NCK2: variants seen among roughly 807,000 people sequenced by gnomAD.
The protein encoded by NCK2 is cytoplasmic protein NCK2.
Under a neutral mutation model 33.9 loss-of-function variants are expected in NCK2, and 16 were observed. The ratio of observed to expected loss-of-function variants is 0.47; its 90% CI spans 0.32 to 0.72. The LOEUF is 0.72. Ranked by LOEUF, NCK2 falls within the 30% of genes least tolerant of loss-of-function variation. The pLI is 0.03. For synonymous variants in NCK2, 273 were observed against 239.9 expected (o/e 1.14, Z -1.27); for missense variants, 418 against 537.3 (o/e 0.78, Z 2.19).
intron 2 of NCK2, among the ~76,000 whole-genome samples, chr2:105,841,899 A>T (rs1558865028): frequency 6.6e-6 from 1 of 152,274 alleles, no homozygotes; most frequent in South Asian, 2.1e-4. Context: ...CCCTTCAGAG[A>T]GGGGAAGGGA....
chr2:105,881,687 G>C lies in NCK2; in HGVS notation c.586G>C (p.Val196Leu). 1 of 1,613,960 alleles carries C rather than the reference G, an allele frequency of 6.2e-7. No individual in the cohort carries two copies. Among genetic ancestry groups the C allele is most frequent in the Non-Finnish European group, 8.5e-7 (1 of 1,179,896 alleles). The change falls in exon 4 of 5, where the codon GTG (valine) becomes CTG (leucine). Residue 196 changes from valine to leucine, a missense_variant. Val to Leu is a conservative substitution (Grantham distance 32). Coordinates refer to ENST00000233154, the MANE Select transcript of NCK2 (RefSeq NM_003581.5). The part of the protein sequence containing the change: ...ASLSNGQGSR[V>L]LHVVQTLYPF... Reference sequence around the variant, plus strand: ...GCTGAGCAATGGCCAGGGCTCCCGCGTGCTGCATGTGGTCCAGACGCTGTA... The same window carrying C: ...GCTGAGCAATGGCCAGGGCTCCCGCCTGCTGCATGTGGTCCAGACGCTGTA...
Position 105,893,931 on chromosome 2 carries a change from A to G in NCK2, c.*755A>G, listed in dbSNP as rs1679103118. ...TGTAGCCGTTTGTTGACACTAATAC[A>G]GATGATTAAGGAAAACAGCTGATCT... On this transcript the variant is annotated 3_prime_UTR_variant, in exon 5 of 5. Coordinates refer to ENST00000233154, the MANE Select transcript of NCK2 (RefSeq NM_003581.5). 1 of 152,522 alleles carries G rather than the reference A, an allele frequency of 6.6e-6. No homozygotes were observed. Among genetic ancestry groups the G allele is most frequent in the Admixed American group, 6.5e-5 (1 of 15,282 alleles). The allele number at this position is 152,522 out of a possible 1,614,324, so 9.4% of individuals were successfully genotyped here. A position where few individuals can be genotyped will look rare whatever the true frequency, so the allele number is the denominator to read the frequency against.
chr2:105,791,349 T>C (rs1690876635), intron 1 of NCK2, among the ~76,000 whole-genome samples: 1 of 152,170 alleles, frequency 6.6e-6, no homozygotes, highest in African/African-American at 2.4e-5. Context: ...TTCACGTTTT[T>C]CTCTTCACTC....
intron 2 of NCK2, among the ~76,000 whole-genome samples, chr2:105,824,204 A>G (rs1193165219): frequency 6.6e-6 from 1 of 150,434 alleles, no homozygotes. Flanking sequence ...TATTGACCAC[A>G]TAGCAGAATG....
intron 2 of NCK2, among the ~76,000 whole-genome samples, chr2:105,845,697 GT>G (rs1429988619): frequency 1.3e-5 from 2 of 151,922 alleles, no homozygotes; most frequent in African/African-American, 4.8e-5. Flanking sequence ...CCCAGCCGAG[GT>G]TTTTTTGAAG....
chr2:105,827,746 C>T (rs1214317203), intron 2 of NCK2, among the ~76,000 whole-genome samples: 1 of 152,142 alleles, frequency 6.6e-6, no homozygotes, highest in Non-Finnish European at 1.5e-5. Flanking sequence ...ATATAACATT[C>T]TCAAAATGAC....
At chr2:105,871,033 C>G (rs1558879490) in intron 3 of NCK2, among the ~76,000 whole-genome samples, 1 of 152,052 alleles carries the variant, frequency 6.6e-6, no homozygotes, top group Non-Finnish European at 1.5e-5. Context: ...CTCCTACTTT[C>G]GCTCACACCC....
chr2:105,745,757 C>T (rs1689263489), intron 1 of NCK2: 1 of 152,278 alleles, frequency 6.6e-6, no homozygotes, highest in Non-Finnish European at 1.5e-5. Context: ...GCTTCAGGCT[C>T]TGCGCCCTGC....
intron 2 of NCK2, among the ~76,000 whole-genome samples, chr2:105,838,565 A>G (rs13031068): frequency 0.31 from 47,394 of 152,150 alleles, 7,849 homozygotes; most frequent in South Asian, 0.41. Context: ...TATGGCTCCC[A>G]TATGAATAAA....
chr2:105,881,300 G>A (rs921802614), intron 3 of NCK2, 28 bp from the exon 4 acceptor site: 3 of 1,554,434 alleles, frequency 1.9e-6, no homozygotes, highest in Middle Eastern at 2.1e-4. Context: ...AGTGCCCTGC[G>A]CCACTGAGCC....
At position 105,889,037 on chromosome 2, in the gene NCK2, G is replaced by C. The variant is rs186285813; in HGVS notation, c.949-3945G>C. Among the ~76,000 whole-genome samples, 582 of 152,346 alleles carry C rather than the reference G, an allele frequency of 3.8e-3. 1 individual carries two copies. Among genetic ancestry groups the C allele is most frequent in the Non-Finnish European group, 5.6e-3 (381 of 68,032 alleles). On this transcript the variant is annotated intron_variant, in intron 4 of 4. Transcript: ENST00000233154. ...TTTTTCATCCAATTTCTTGAAATCT[G>C]TTCTAGAAAGCCAACCGTGGAAGGA...
intron 1 of NCK2, among the ~76,000 whole-genome samples, chr2:105,777,826 C>T (rs963886675): frequency 6.6e-6 from 1 of 152,172 alleles, no homozygotes; most frequent in African/African-American, 2.4e-5. Context: ...CTTGAAAATG[C>T]CGAGCTCCCT....
chr2:105,833,000 CTTT>C (rs35726815), intron 2 of NCK2, among the ~76,000 whole-genome samples: 8 of 132,118 alleles, frequency 6.1e-5, no homozygotes, highest in African/African-American at 1.7e-4. Context: ...TGTTGGGAGA[CTTT>C]TTTTTTTTTT....
chr2:105,794,284 G>A (rs1029841921), intron 1 of NCK2, among the ~76,000 whole-genome samples: 7 of 151,874 alleles, frequency 4.6e-5, no homozygotes, highest in Admixed American at 1.3e-4. Context: ...ACTCCTGACC[G>A]CAAGTGATCC....
At chr2:105,801,243 C>T (rs779174961) in intron 1 of NCK2, among the ~76,000 whole-genome samples, 112 of 152,206 alleles carry the variant, frequency 7.4e-4, no homozygotes, top group Non-Finnish European at 1.2e-3. Context: ...TAGAGGCCTG[C>T]CGGGCTGTCA....
At chr2:105,752,337 T>A (rs1306479114) in intron 1 of NCK2, among the ~76,000 whole-genome samples, 2 of 152,236 alleles carry the variant, frequency 1.3e-5, no homozygotes, top group African/African-American at 4.8e-5. Context: ...AATGTCATCC[T>A]TCAGACACTC....
At chr2:105,816,368 TA>T (rs1018909859) in intron 1 of NCK2, 61 bp from the exon 2 acceptor site, 2 of 152,218 alleles carry the variant, frequency 1.3e-5, no homozygotes, top group Non-Finnish European at 1.5e-5. Context: ...CAGTTATTTT[TA>T]AAAGTGGTTA....
rs751541163 is a variant in NCK2 at position 105,881,330 on chromosome 2, C to A, written c.229C>A (p.Leu77Ile). The A allele has an allele frequency of 3.8e-6, 6 of 1,588,694 alleles. No individual in the cohort carries two copies. In the East Asian group the frequency reaches 1.1e-4, roughly 30 times the overall value. Residue 77 changes from leucine (L) to isoleucine (I), a missense_variant and splice_region_variant, in exon 4 of 5, where the codon CTC becomes ATC. Leu to Ile is a conservative substitution (Grantham distance 5). Transcript: ENST00000233154. The part of the protein sequence containing the change: ...LVKNLKDTLG[L>I]GKTRRKTSAR... ...TGAGCCTTGCTGTGTCTCCACAGGCCTCGGCAAGACGCGCAGGAAGACCAG... is the reference window on the plus strand; with the variant it reads ...TGAGCCTTGCTGTGTCTCCACAGGCATCGGCAAGACGCGCAGGAAGACCAG...
chr2:105,880,754 A>G (rs1678436873), intron 3 of NCK2, among the ~76,000 whole-genome samples: 1 of 152,072 alleles, frequency 6.6e-6, no homozygotes, highest in Admixed American at 6.6e-5. Flanking sequence ...TACTCTTGTT[A>G]TCTTTTGTGT....
Sources: allele counts gnomAD v4.1 joint callset (sites outside exome capture counted in the v4.1 genomes callset), GRCh38; gene constraint gnomAD v4.1.1; transcripts MANE v1.5; gene names NCBI Gene and HGNC (gene_info 2026-07-23, HGNC 2026-07-21).